CNTN5: variants seen among roughly 807,000 people sequenced by gnomAD.
The protein encoded by CNTN5 is contactin 5.
CNTN5 carries 77 observed loss-of-function variants against 129.1 expected under a neutral mutation model. The observed-to-expected ratio is 0.60, with a 90% CI of 0.50 to 0.72. The LOEUF (loss-of-function observed/expected upper bound fraction) is 0.72, where lower values mean the gene tolerates loss of function less well. Among genes scored for constraint, CNTN5 ranks in the 30% least tolerant of loss-of-function variants. CNTN5 has a pLI of 0.00. For missense variants in CNTN5, 1,478 were observed against 1,328.8 expected (o/e 1.11, Z -1.75); for synonymous variants, 509 against 465.6 (o/e 1.09, Z -1.20).
chr11:99,671,464 CGT>C (rs887683509), intron 3 of CNTN5, among the ~76,000 whole-genome samples: 4 of 152,028 alleles, frequency 2.6e-5, no homozygotes, highest in African/African-American at 4.8e-5. Context: ...TGCATGTGTG[CGT>C]GTGTGTGTAT....
At chr11:99,743,031 G>T (rs1329412959) in intron 3 of CNTN5, among the ~76,000 whole-genome samples, 1 of 152,040 alleles carries the variant, frequency 6.6e-6, no homozygotes, top group East Asian at 1.9e-4. Flanking sequence ...AGTTAAAATT[G>T]GACAGCTACT....
At chr11:99,920,697 T>G (rs1240217275) in intron 7 of CNTN5, among the ~76,000 whole-genome samples, 1 of 152,222 alleles carries the variant, frequency 6.6e-6, no homozygotes, top group Non-Finnish European at 1.5e-5. Context: ...CTTCTTGCTG[T>G]GTACTCACAT....
Position 100,358,118 on chromosome 11 carries a change from C to A in CNTN5, c.*1898C>A, listed in dbSNP as rs1952566275. ...TAGTTTACCTTTATGAATTGTGCAT[C>A]TGAATAAAAGACAGAAAGAATATTT... On this transcript the variant is annotated 3_prime_UTR_variant, in exon 25 of 25. Coordinates refer to ENST00000524871, the MANE Select transcript of CNTN5 (RefSeq NM_014361.4). 1 of 151,794 alleles carries A rather than the reference C, an allele frequency of 6.6e-6. No homozygotes were observed. Among genetic ancestry groups the A allele is most frequent in the African/African-American group, 2.4e-5 (1 of 41,396 alleles). 9.4% of individuals were successfully genotyped at this position (151,794 alleles called of 1,614,324 possible). A position where few individuals can be genotyped will look rare whatever the true frequency, so the allele number is the denominator to read the frequency against.
At chr11:99,396,966 A>T (rs1941557653) in intron 2 of CNTN5, among the ~76,000 whole-genome samples, 1 of 151,726 alleles carries the variant, frequency 6.6e-6, no homozygotes, top group Non-Finnish European at 1.5e-5. Flanking sequence ...AAGTATTGTC[A>T]TTCCAACTTT....
intron 6 of CNTN5, among the ~76,000 whole-genome samples, chr11:99,908,243 G>C (rs906440845): frequency 6.6e-6 from 1 of 152,010 alleles, no homozygotes; most frequent in South Asian, 2.1e-4. Context: ...TAGTAGGCAA[G>C]AAAGTAATTA....
At chr11:100,225,963 T>A (rs1949365925) in intron 16 of CNTN5, among the ~76,000 whole-genome samples, 1 of 152,100 alleles carries the variant, frequency 6.6e-6, no homozygotes, top group African/African-American at 2.4e-5. Flanking sequence ...CCATCATTGG[T>A]TCAAGTAAAA....
intron 1 of CNTN5, among the ~76,000 whole-genome samples, chr11:99,184,279 CTA>C (rs1156429361): frequency 6.6e-6 from 1 of 152,068 alleles, no homozygotes; most frequent in Non-Finnish European, 1.5e-5. Flanking sequence ...GCTCATTATA[CTA>C]TGTCTCTACT....
At chr11:100,197,023 T>C (rs1335781502) in intron 15 of CNTN5, among the ~76,000 whole-genome samples, 1 of 151,986 alleles carries the variant, frequency 6.6e-6, no homozygotes, top group African/African-American at 2.4e-5. Context: ...ACCAGAGAAC[T>C]ATGTGCATTC....
At position 99,082,369 on chromosome 11, in the gene CNTN5, G is replaced by A. The variant is rs576019536; in HGVS notation, c.-210+61099G>A. Among the ~76,000 whole-genome samples the A allele has an allele frequency of 1.5e-3, 228 of 152,182 alleles. 4 individuals carry two copies. In the East Asian group the frequency reaches 0.016, roughly 11 times the overall value. On this transcript the variant is annotated intron_variant, in intron 1 of 24. Transcript: ENST00000524871. Reference sequence around the variant, plus strand: ...CCAGCTAATTTTTGTATTTTTAGTAGAGACGGGGTTTCACCATGTTGGCCA... The same window carrying A: ...CCAGCTAATTTTTGTATTTTTAGTAAAGACGGGGTTTCACCATGTTGGCCA...
intron 8 of CNTN5, among the ~76,000 whole-genome samples, chr11:99,995,482 A>G (rs574795425): frequency 6.6e-6 from 1 of 152,296 alleles, no homozygotes; most frequent in African/African-American, 2.4e-5. Flanking sequence ...AACACATAAA[A>G]TGGTTTTCTC....
At chr11:99,934,575 C>T (rs1035730147) in intron 7 of CNTN5, among the ~76,000 whole-genome samples, 2 of 152,016 alleles carry the variant, frequency 1.3e-5, no homozygotes, top group African/African-American at 2.4e-5. Flanking sequence ...ATACGTACAA[C>T]GATTCTATAA....
chr11:99,491,495 A>G (rs907453211), intron 2 of CNTN5, among the ~76,000 whole-genome samples: 1 of 152,190 alleles, frequency 6.6e-6, no homozygotes. Flanking sequence ...TTTCCAGAGT[A>G]GGAGACACAC....
intron 7 of CNTN5, among the ~76,000 whole-genome samples, chr11:99,942,439 A>C (rs1271130865): frequency 6.6e-6 from 1 of 152,058 alleles, no homozygotes; most frequent in Non-Finnish European, 1.5e-5. Flanking sequence ...GTAAATTGGC[A>C]GTGTTGTAAG....
intron 15 of CNTN5, among the ~76,000 whole-genome samples, chr11:100,209,334 A>G (rs1948976698): frequency 6.6e-6 from 1 of 152,226 alleles, no homozygotes; most frequent in Admixed American, 6.5e-5. Context: ...TATTGTCACT[A>G]TCAACATGAA....
At chr11:99,703,240 T>C (rs1291871357) in intron 3 of CNTN5, among the ~76,000 whole-genome samples, 24 of 149,232 alleles carry the variant, frequency 1.6e-4, no homozygotes, top group Non-Finnish European at 1.2e-4. Flanking sequence ...TTTTTTTTTT[T>C]TTTTGCTTGT....
intron 1 of CNTN5, among the ~76,000 whole-genome samples, chr11:99,052,029 A>G (rs1480903012): frequency 7.2e-5 from 11 of 151,840 alleles, no homozygotes; most frequent in Admixed American, 7.2e-4. Flanking sequence ...ACAATAAACA[A>G]AGGCACAGAA....
intron 3 of CNTN5, among the ~76,000 whole-genome samples, chr11:99,616,777 G>T (rs1029190596): frequency 6.6e-6 from 1 of 152,154 alleles, no homozygotes; most frequent in East Asian, 1.9e-4. Flanking sequence ...TTCACAGAGG[G>T]TAGAGGCTGG....
intron 1 of CNTN5, among the ~76,000 whole-genome samples, chr11:99,031,747 T>C (rs1214568525): frequency 6.6e-6 from 1 of 151,940 alleles, no homozygotes; most frequent in East Asian, 1.9e-4. Context: ...TCTAAATTCA[T>C]GGCTTAGTTT....
chr11:99,503,838 C>T (rs145467185), intron 2 of CNTN5, among the ~76,000 whole-genome samples: 126 of 152,086 alleles, frequency 8.3e-4, no homozygotes, highest in African/African-American at 2.9e-3. Context: ...TGTTAAACTA[C>T]TTTAATGGCA....
Sources: allele counts gnomAD v4.1 joint callset (sites outside exome capture counted in the v4.1 genomes callset), GRCh38; gene constraint gnomAD v4.1.1; transcripts MANE v1.5; gene names NCBI Gene and HGNC (gene_info 2026-07-23, HGNC 2026-07-21).